The following ZPLD1 variants were observed in gnomAD, a reference collection of about 807,000 sequenced individuals.
ZPLD1 encodes zona pellucida-like domain-containing protein 1.
In ZPLD1, 34 loss-of-function variants were observed where a neutral mutation model predicts 47.2. That is an observed-to-expected ratio of 0.72 (90% CI 0.55 to 0.96). The LOEUF is 0.96. Among genes scored for constraint, ZPLD1 ranks in the 40% least tolerant of loss-of-function variants. The pLI, the probability that ZPLD1 is intolerant of heterozygous loss-of-function variation, is 0.00. For missense variants in ZPLD1, 512 were observed against 505.8 expected (o/e 1.01, Z -0.12); for synonymous variants, 176 against 186.2 (o/e 0.95, Z 0.45).
rs1211126564 is a variant in ZPLD1, at chr3:102,463,883, CAA to C, written c.681-271_681-270del. Among the ~76,000 whole-genome samples the C allele has an allele frequency of 1.7e-3, 182 of 110,134 alleles. 1 individual carries two copies. Among genetic ancestry groups the C allele is most frequent in the South Asian group, 2.4e-3 (7 of 2,950 alleles). 72.3% of individuals were successfully genotyped at this position (110,134 alleles called of 152,430 possible). A position where few individuals can be genotyped will look rare whatever the true frequency, so the allele number is the denominator to read the frequency against. On this transcript the variant is annotated intron_variant, in intron 7 of 11. Transcript: ENST00000466937. ...TGAAACCCCGTCTCTATTAAAAATACAAAAAAAAAAAAAAAAAATAGCCGGGC... is the reference window on the plus strand; with the variant it reads ...TGAAACCCCGTCTCTATTAAAAATACAAAAAAAAAAAAAAAATAGCCGGGC...
chr3:102,407,040 G>C (rs1447474034), intron 7 of ZPLD1, among the ~76,000 whole-genome samples: 1 of 151,694 alleles, frequency 6.6e-6, no homozygotes, highest in Non-Finnish European at 1.5e-5. Flanking sequence ...TGTGGGAGTA[G>C]CTCATCTTGA....
chr3:102,454,891 A>G (rs1194809038), intron 4 of ZPLD1, among the ~76,000 whole-genome samples: 1 of 152,210 alleles, frequency 6.6e-6, no homozygotes, highest in East Asian at 1.9e-4. Context: ...ACATGTATGT[A>G]TGTATTTTAT....
intron 3 of ZPLD1, among the ~76,000 whole-genome samples, chr3:102,451,790 C>T (rs1209822392): frequency 6.6e-6 from 1 of 152,116 alleles, no homozygotes; most frequent in African/African-American, 2.4e-5. Context: ...TGGTTTCTCC[C>T]CGTGTCTCTG....
intron 1 of ZPLD1, among the ~76,000 whole-genome samples, chr3:102,436,259 C>T (rs2107318727): frequency 6.6e-6 from 1 of 152,270 alleles, no homozygotes; most frequent in African/African-American, 2.4e-5. Flanking sequence ...TTTTGGCCAA[C>T]ACAAATGTGT....
chr3:102,452,358 C>G (rs985923118), intron 3 of ZPLD1, among the ~76,000 whole-genome samples: 1 of 149,898 alleles, frequency 6.7e-6, no homozygotes, highest in Admixed American at 6.7e-5. Flanking sequence ...TTTTTATTCC[C>G]TTTCTCTCTA....
intron 3 of ZPLD1, among the ~76,000 whole-genome samples, chr3:102,442,425 T>G (rs1707194859): frequency 6.6e-6 from 1 of 151,996 alleles, no homozygotes; most frequent in African/African-American, 2.4e-5. Flanking sequence ...AACACAAATA[T>G]TAATAAAATC....
At position 102,443,829 on chromosome 3, in the gene ZPLD1, A is replaced by G. The variant is rs375776311; in HGVS notation, c.106+5236A>G. 6.6e-5 allele frequency among the ~76,000 whole-genome samples: 10 copies of G among 152,178 alleles called. No homozygotes were observed. The East Asian group carries it at 1.7e-3, about 26-fold the overall frequency. On this transcript the variant is annotated intron_variant, in intron 3 of 11. Transcript: ENST00000466937. Reference sequence around the variant, plus strand: ...TAGTGGAATAGTTATCCCAGGGAATATGTTCTGGTTCTCTGTATAGAAAGG... The same window carrying G: ...TAGTGGAATAGTTATCCCAGGGAATGTGTTCTGGTTCTCTGTATAGAAAGG...
intron 8 of ZPLD1, among the ~76,000 whole-genome samples, chr3:102,424,940 C>T (rs1252210736): frequency 1.3e-5 from 2 of 151,588 alleles, no homozygotes; most frequent in Admixed American, 1.3e-4. Context: ...GCCTGTGGAA[C>T]AAGGAATTAG....
intron 3 of ZPLD1, among the ~76,000 whole-genome samples, chr3:102,446,102 C>A (rs2107328112): frequency 6.6e-6 from 1 of 152,282 alleles, no homozygotes; most frequent in Admixed American, 6.5e-5. Flanking sequence ...ATATTAAAGA[C>A]TTACACACCA....
intron 8 of ZPLD1, among the ~76,000 whole-genome samples, chr3:102,428,899 T>TA (rs529039811): frequency 6.6e-4 from 101 of 152,140 alleles, no homozygotes; most frequent in South Asian, 1.7e-3. Context: ...TTAGAACTGC[T>TA]AAAAAAACCA....
intron 7 of ZPLD1, among the ~76,000 whole-genome samples, chr3:102,415,720 T>C (rs1706797943): frequency 6.6e-6 from 1 of 151,896 alleles, no homozygotes; most frequent in Admixed American, 6.6e-5. Context: ...TAACGATGCT[T>C]AATTTACAGC....
Position 102,478,126 on chromosome 3 carries a change from A to T in ZPLD1, c.*508A>T, listed in dbSNP as rs1364710877. ...TACCTGAGATTTAACTACTCATTCT[A>T]TGACCTCCTGTGTTTTTGGCCGATT... is the stretch of plus-strand genomic sequence containing the variant. On this transcript the variant is annotated 3_prime_UTR_variant, in exon 12 of 12. Transcript: ENST00000466937. 1 of 152,240 alleles carries T rather than the reference A, an allele frequency of 6.6e-6. No individual in the cohort carries two copies. Among genetic ancestry groups the T allele is most frequent in the African/African-American group, 2.4e-5 (1 of 41,450 alleles). The allele number at this position is 152,240 out of a possible 1,614,324, so 9.4% of individuals were successfully genotyped here. A position where few individuals can be genotyped will look rare whatever the true frequency, so the allele number is the denominator to read the frequency against.
intron 4 of ZPLD1, 33 bp downstream of exon 4, chr3:102,453,172 G>C (rs1411984473): frequency 1.9e-6 from 3 of 1,573,318 alleles, no homozygotes; most frequent in Non-Finnish European, 2.6e-6. Context: ...TGCTAGGTCT[G>C]GGGTCATAAA....
chr3:102,477,088 T>A, intron 11 of ZPLD1, 47 bp downstream of exon 11: 1 of 1,601,310 alleles, frequency 6.2e-7, no homozygotes, highest in Non-Finnish European at 8.6e-7. Context: ...TTTTTGGTGA[T>A]CAGTTACAAA....
intron 6 of ZPLD1, 44 bp from the exon 7 acceptor site, chr3:102,462,237 T>C: frequency 8.0e-7 from 1 of 1,253,918 alleles, no homozygotes; most frequent in African/African-American, 1.5e-5. Flanking sequence ...AAGTGTGCTG[T>C]TGTTGGGGAG....
chr3:102,470,589 C>T (rs1559762110), intron 10 of ZPLD1, 87 bp downstream of exon 10: 33 of 983,004 alleles, frequency 3.4e-5, no homozygotes, highest in Non-Finnish European at 5.0e-5. Context: ...CAAAGTGGTT[C>T]CTAAACAGCA....
chr3:102,456,055 T>G (rs1707408256), intron 4 of ZPLD1, 138 bp from the exon 5 acceptor site: 1 of 589,558 alleles, frequency 1.7e-6, no homozygotes, highest in South Asian at 4.7e-5. Context: ...CTTATAAACT[T>G]GATATTTCAA....
intron 7 of ZPLD1, among the ~76,000 whole-genome samples, chr3:102,402,981 C>A (rs1706639369): frequency 6.6e-6 from 1 of 151,918 alleles, no homozygotes; most frequent in African/African-American, 2.4e-5. Flanking sequence ...CACCCATCAT[C>A]CTGCTTCAAA....
rs556379450 is a variant in ZPLD1 at position 102,391,543 on chromosome 3, G to A, written c.-212-627G>A. On this transcript the variant is annotated intron_variant, in intron 6 of 17. Transcript: ENST00000491959. Reference sequence around the variant, plus strand: ...TTTTCTTGGGAGAGAACACAGTCATGTTATTGGGAACATGTTATAAGGAAG... The same window carrying A: ...TTTTCTTGGGAGAGAACACAGTCATATTATTGGGAACATGTTATAAGGAAG... 3.3e-5 allele frequency among the ~76,000 whole-genome samples: 5 copies of A among 152,166 alleles called. No individual in the cohort carries two copies. In the South Asian group the frequency reaches 8.3e-4, roughly 25 times the overall value.
Sources: allele counts gnomAD v4.1 joint callset (sites outside exome capture counted in the v4.1 genomes callset), GRCh38; gene constraint gnomAD v4.1.1; transcripts MANE v1.5; gene names NCBI Gene and HGNC (gene_info 2026-07-23, HGNC 2026-07-21).